CDH8: variants seen among roughly 807,000 people sequenced by gnomAD.
CDH8 encodes the protein cadherin-8.
A neutral mutation model predicts 68.1 loss-of-function variants in CDH8; 17 were observed. The ratio of observed to expected loss-of-function variants is 0.25; its 90% CI spans 0.17 to 0.37. The LOEUF is 0.37. Among genes scored for constraint, CDH8 ranks in the 10% least tolerant of loss-of-function variants. CDH8 has a pLI of 1.00. For missense variants in CDH8, 763 were observed against 999.3 expected (o/e 0.76, Z 3.19); for synonymous variants, 372 against 365.1 (o/e 1.02, Z -0.21).
chr16:61,941,020 A>T (rs1410472016), intron 2 of CDH8, among the ~76,000 whole-genome samples: 1 of 152,270 alleles, frequency 6.6e-6, no homozygotes, highest in African/African-American at 2.4e-5. Context: ...TTAATCTTGT[A>T]GCATTTTGAA....
intron 1 of CDH8, among the ~76,000 whole-genome samples, chr16:62,029,600 A>G (rs1183256110): frequency 6.6e-6 from 1 of 152,244 alleles, no homozygotes; most frequent in Non-Finnish European, 1.5e-5. Flanking sequence ...CCGAGAGGAC[A>G]GAGTACAAGC....
At chr16:61,807,927 A>G (rs113082499) in intron 7 of CDH8, among the ~76,000 whole-genome samples, 14 of 152,216 alleles carry the variant, frequency 9.2e-5, no homozygotes, top group African/African-American at 3.4e-4. Context: ...TTCATTTCAG[A>G]CTCCATCTAC....
intron 3 of CDH8, among the ~76,000 whole-genome samples, chr16:61,880,124 C>T (rs1169622657): frequency 6.6e-6 from 1 of 152,092 alleles, no homozygotes; most frequent in Non-Finnish European, 1.5e-5. Context: ...CAGGGTTTCA[C>T]CATATTGGCC....
intron 2 of CDH8, among the ~76,000 whole-genome samples, chr16:61,996,102 A>G (rs1321505693): frequency 6.6e-6 from 1 of 152,226 alleles, no homozygotes; most frequent in Non-Finnish European, 1.5e-5. Flanking sequence ...AGATAAATTC[A>G]TCAAAACTCA....
chr16:61,972,571 G>GGGTGGGTGT (rs369833002), intron 2 of CDH8, among the ~76,000 whole-genome samples: 1 of 131,468 alleles, frequency 7.6e-6, no homozygotes, highest in Non-Finnish European at 1.7e-5. Context: ...ACACATTGTG[G>GGGTGGGTGT]GTGTGTGTGT....
chr16:61,759,641 T>A (rs1286347197), intron 8 of CDH8, among the ~76,000 whole-genome samples: 1 of 152,178 alleles, frequency 6.6e-6, no homozygotes, highest in Non-Finnish European at 1.5e-5. Flanking sequence ...TGTTCTTGAG[T>A]AATGCTGTCT....
At chr16:61,769,186 T>C (rs1960713660) in intron 8 of CDH8, among the ~76,000 whole-genome samples, 1 of 151,818 alleles carries the variant, frequency 6.6e-6, no homozygotes, top group African/African-American at 2.4e-5. Flanking sequence ...TAAAAAAGTA[T>C]TTCAACCTTG....
intron 3 of CDH8, among the ~76,000 whole-genome samples, chr16:61,895,311 G>A (rs554072207): frequency 6.6e-6 from 1 of 152,222 alleles, no homozygotes; most frequent in South Asian, 2.1e-4. Flanking sequence ...GCCCATGGGA[G>A]GTAGAACCAG....
intron 2 of CDH8, among the ~76,000 whole-genome samples, chr16:61,903,481 G>T (rs1376977579): frequency 3.9e-5 from 6 of 152,128 alleles, no homozygotes; most frequent in African/African-American, 1.4e-4. Context: ...CCGCCACGGC[G>T]CCCGGCTAAT....
rs140362983 is a variant in CDH8 at position 61,724,113 on chromosome 16, C to G, written c.1536+2981G>C. 5.9e-3 allele frequency among the ~76,000 whole-genome samples: 887 copies of G among 150,698 alleles called. 12 individuals carry two copies. The highest frequency in any genetic ancestry group is 0.021 in the African/African-American group (853 of 41,350). ...TGATTTTGTGTAATGGACTGTGAAC[C>G]ATTTCTCCCTATTTAGGTTATGGTT... On this transcript the variant is annotated intron_variant, in intron 9 of 11. Coordinates refer to ENST00000577390, the MANE Select transcript of CDH8 (RefSeq NM_001796.5).
At chr16:61,962,397 G>A (rs1965170642) in intron 2 of CDH8, among the ~76,000 whole-genome samples, 1 of 152,264 alleles carries the variant, frequency 6.6e-6, no homozygotes, top group South Asian at 2.1e-4. Context: ...TTACCTGAGG[G>A]TGTGACCTTT....
rs748499678 is a variant in CDH8 at position 61,655,466 on chromosome 16, G to A, written c.1906+4C>T. ...GACCGGTAGGCTATGAAGGAAATAC[G>A]TACCTAACAGCAAAATGATGCATGC... On this transcript the variant is annotated splice_donor_region_variant and intron_variant, in intron 11 of 11. Transcript: ENST00000577390. The A allele has an allele frequency of 1.2e-6, 2 of 1,613,824 alleles. No homozygotes were observed. The highest frequency in any genetic ancestry group is 1.3e-5 in the African/African-American group (1 of 74,872).
At chr16:61,737,737 T>A (rs1179511089) in intron 8 of CDH8, among the ~76,000 whole-genome samples, 1 of 152,182 alleles carries the variant, frequency 6.6e-6, no homozygotes, top group Non-Finnish European at 1.5e-5. Context: ...TTTTTATCTT[T>A]ACAGTATTGT....
At chr16:61,819,449 C>T (rs1379174799) in intron 6 of CDH8, among the ~76,000 whole-genome samples, 2 of 151,970 alleles carry the variant, frequency 1.3e-5, no homozygotes, top group African/African-American at 4.8e-5. Flanking sequence ...AAATGTGGCT[C>T]TGGGTTATTC....
rs1963965128 is a variant in CDH8, at chr16:61,901,235, G to A, written c.491C>T (p.Ala164Val). The change falls in exon 3 of 12, where the codon GCA becomes GTA. Residue 164 changes from alanine (A) to valine (V), a missense_variant. Ala to Val is a moderately conservative substitution (Grantham distance 64). Around this residue, in one of 2 missense-constraint regions of CDH8, gnomAD observed 366 missense variants for 563.1 expected, o/e 0.65. Transcript: ENST00000577390. Reference sequence around the variant, plus strand: ...ATAGGGTCCATTAAGAAACTCTGGTGCATTGTCATTGATGTCTTGAACTTT... The same window carrying A: ...ATAGGGTCCATTAAGAAACTCTGGTACATTGTCATTGATGTCTTGAACTTT... ...IIKVQDINDN[A>V]PEFLNGPYHA... 1 of 1,613,976 alleles carries A rather than the reference G, an allele frequency of 6.2e-7. No individual in the cohort carries two copies. Among genetic ancestry groups the A allele is most frequent in the Non-Finnish European group, 8.5e-7 (1 of 1,179,906 alleles).
At chr16:61,889,510 A>G (rs549363069) in intron 3 of CDH8, among the ~76,000 whole-genome samples, 2 of 152,352 alleles carry the variant, frequency 1.3e-5, no homozygotes, top group South Asian at 4.1e-4. Flanking sequence ...ATATATTGAC[A>G]AAGGTGTCCC....
intron 9 of CDH8, among the ~76,000 whole-genome samples, chr16:61,719,605 TCA>T (rs754971689): frequency 2.6e-5 from 4 of 151,054 alleles, no homozygotes; most frequent in Non-Finnish European, 5.9e-5. Flanking sequence ...AGGATAAAAT[TCA>T]CAGTTTTCCA....
chr16:61,982,779 T>C (rs1965560757), intron 2 of CDH8, among the ~76,000 whole-genome samples: 1 of 152,312 alleles, frequency 6.6e-6, no homozygotes, highest in South Asian at 2.1e-4. Flanking sequence ...TCAATGAATT[T>C]ACTGAAACAA....
At position 61,960,151 on chromosome 16, in the gene CDH8, ATG is replaced by A. The variant is rs780297918; in HGVS notation, c.253-58680_253-58679del. Among the ~76,000 whole-genome samples, 169 of 51,716 alleles carry A rather than the reference ATG, an allele frequency of 3.3e-3. 3 individuals carry two copies. The highest frequency in any genetic ancestry group is 4.1e-3 in the East Asian group (6 of 1,470). 33.9% of individuals were successfully genotyped at this position (51,716 alleles called of 152,430 possible). A position where few individuals can be genotyped will look rare whatever the true frequency, so the allele number is the denominator to read the frequency against. On this transcript the variant is annotated intron_variant, in intron 2 of 11. Transcript: ENST00000577390. ...TGTGTATACACATACATATATACAT[ATG>A]TGTGTGTGTATACACATACATATAT...
Sources: gnomAD v4.1 joint callset for allele counts (sites outside exome capture counted in the v4.1 genomes callset) on GRCh38, gnomAD v4.1.1 for gene constraint, gnomAD v4.1.1 regional missense constraint, MANE v1.5 for transcripts, NCBI Gene and HGNC (gene_info 2026-07-23, HGNC 2026-07-21) for gene names.